CD59: variants seen among roughly 807,000 people sequenced by gnomAD.
CD59 encodes the protein CD59 glycoprotein.
Under a neutral mutation model 7.0 loss-of-function variants are expected in CD59, and 3 were observed. That is an observed-to-expected ratio of 0.43 (90% CI 0.19 to 1.10). The LOEUF is 1.10. CD59 is among the 50% of genes least tolerant of loss of function. CD59 has a pLI of 0.29. For synonymous variants in CD59, 60 were observed against 62.0 expected, an observed-to-expected ratio of 0.97 and a Z score of 0.15; for missense variants, 143 against 151.0, an observed-to-expected ratio of 0.95 and a Z score of 0.28.
rs779979458 is a variant in CD59, at chr11:33,717,419, T to C, written c.120A>G (p.Thr40=). Residue 40 remains threonine, a synonymous_variant, in exon 3 of 4, where the codon ACA becomes ACG. Transcript: ENST00000642928. ...CAAAATCAGATGAACAATTGACGGCTGTTTTGCAGTCAGCAGTTGGGTTAG... is the reference window on the plus strand; with the variant it reads ...CAAAATCAGATGAACAATTGACGGCCGTTTTGCAGTCAGCAGTTGGGTTAG... ...NCPNPTADCK[T]AVNCSSDFDA... The C allele has an allele frequency of 3.7e-6, 6 of 1,613,800 alleles. No homozygotes were observed. In the South Asian group the frequency reaches 5.5e-5, roughly 15 times the overall value.
intron 3 of CD59, among the ~76,000 whole-genome samples, chr11:33,714,721 A>T (rs948978112): frequency 1.1e-4 from 16 of 152,146 alleles, no homozygotes; most frequent in African/African-American, 3.4e-4. Flanking sequence ...AAAAATTTTT[A>T]AAAACTTTTC....
intron 2 of CD59, chr11:33,719,424 C>T (rs1853950074): frequency 6.6e-6 from 1 of 152,218 alleles, no homozygotes; most frequent in African/African-American, 2.4e-5. Context: ...GAGTTTGAGA[C>T]CACCCTGGCC....
At chr11:33,718,577 C>T (rs1853909104) in intron 2 of CD59, 1 of 152,224 alleles carries the variant, frequency 6.6e-6, no homozygotes, top group Non-Finnish European at 1.5e-5. Context: ...TTCTAAGGGA[C>T]TGACCGAATG....
chr11:33,706,558 A>AG lies in CD59; in HGVS notation c.*3567_*3568insC, dbSNP rs1481002516. The AG allele has an allele frequency of 6.6e-6, 1 of 151,498 alleles. No individual in the cohort carries two copies. The highest frequency in any genetic ancestry group is 2.4e-5 in the African/African-American group (1 of 41,250). 9.4% of individuals were successfully genotyped at this position (151,498 alleles called of 1,614,324 possible). The stretch of plus-strand genomic sequence containing the variant: ...GAAAGTTCAGAAAGGGTTTAAAAAA[A>AG]AAAAAAAAAAAAAACTTGTCCAGAG... On this transcript the variant is annotated 3_prime_UTR_variant, in exon 4 of 4. Coordinates refer to ENST00000642928, the MANE Select transcript of CD59 (RefSeq NM_000611.6).
At chr11:33,735,085 C>T (rs1854526833) in intron 1 of CD59, among the ~76,000 whole-genome samples, 3 of 152,206 alleles carry the variant, frequency 2.0e-5, no homozygotes, top group African/African-American at 7.2e-5. Context: ...CCCTTTCTGC[C>T]TCTCCTTCAT....
At chr11:33,714,198 G>A (rs189700812) in intron 3 of CD59, among the ~76,000 whole-genome samples, 1 of 152,296 alleles carries the variant, frequency 6.6e-6, no homozygotes, top group East Asian at 1.9e-4. Context: ...ATAGCGTGTA[G>A]TTACACAAAC....
chr11:33,713,637 A>G (rs951318342), intron 3 of CD59, among the ~76,000 whole-genome samples: 2 of 152,204 alleles, frequency 1.3e-5, no homozygotes, highest in African/African-American at 2.4e-5. Context: ...GTAATTACGC[A>G]TTGGAACTTG....
At chr11:33,726,149 G>C (rs1460972234) in intron 1 of CD59, among the ~76,000 whole-genome samples, 3 of 152,150 alleles carry the variant, frequency 2.0e-5, no homozygotes, top group Non-Finnish European at 2.9e-5. Flanking sequence ...AGGATATCCA[G>C]GACTTGAACT....
chr11:33,727,519 A>G (rs1311655277), intron 1 of CD59, among the ~76,000 whole-genome samples: 1 of 152,252 alleles, frequency 6.6e-6, no homozygotes, highest in Non-Finnish European at 1.5e-5. Flanking sequence ...GATGGAATGT[A>G]TCTCAAAATA....
rs990746304 is a variant in CD59, at chr11:33,706,588, A to T, written c.*3538T>A. The T allele has an allele frequency of 6.6e-6, 1 of 151,918 alleles. No individual in the cohort carries two copies. The highest frequency in any genetic ancestry group is 2.4e-5 in the African/African-American group (1 of 41,366). The allele number at this position is 151,918 out of a possible 1,614,324, so 9.4% of individuals were successfully genotyped here. A position where few individuals can be genotyped will look rare whatever the true frequency, so the allele number is the denominator to read the frequency against. ...AAAAAAAAAACTTGTCCAGAGACAT[A>T]GCCAATTAGTGGAAGAGGGTTTGAA... On this transcript the variant is annotated 3_prime_UTR_variant, in exon 4 of 4. Transcript: ENST00000642928.
intron 1 of CD59, among the ~76,000 whole-genome samples, chr11:33,735,096 A>G (rs1175069450): frequency 6.6e-6 from 1 of 152,202 alleles, no homozygotes; most frequent in Non-Finnish European, 1.5e-5. Flanking sequence ...TCTCCTTCAT[A>G]AACTGCCACG....
At position 33,709,706 on chromosome 11, in the gene CD59, G is replaced by A. The variant is rs1321762459; in HGVS notation, c.*420C>T. 1 of 273,104 alleles carries A rather than the reference G, an allele frequency of 3.7e-6. No homozygotes were observed. Among genetic ancestry groups the A allele is most frequent in the Non-Finnish European group, 7.1e-6 (1 of 140,438 alleles). The allele number at this position is 273,104 out of a possible 1,614,324, so 16.9% of individuals were successfully genotyped here. A position where few individuals can be genotyped will look rare whatever the true frequency, so the allele number is the denominator to read the frequency against. Reference sequence around the variant, plus strand: ...CACGGGATCCCTGAAGTTTATGAAAGCGTTCCATGTGAGAGAGGATGCTCA... The same window carrying A: ...CACGGGATCCCTGAAGTTTATGAAAACGTTCCATGTGAGAGAGGATGCTCA... On this transcript the variant is annotated 3_prime_UTR_variant, in exon 4 of 4. Coordinates refer to ENST00000642928, the MANE Select transcript of CD59 (RefSeq NM_000611.6).
intron 2 of CD59, chr11:33,717,763 G>A: frequency 5.1e-6 from 2 of 393,420 alleles, no homozygotes; most frequent in Non-Finnish European, 9.7e-6. Context: ...GCAATGTAAT[G>A]ATGTGTTAAG....
chr11:33,726,717 C>G (rs1308382684), intron 1 of CD59, among the ~76,000 whole-genome samples: 1 of 152,040 alleles, frequency 6.6e-6, no homozygotes. Context: ...AAAGACCCTT[C>G]AAAAAATCAA....
chr11:33,704,333 G>A lies in CD59; in HGVS notation c.*5793C>T, dbSNP rs991975129. The A allele has an allele frequency of 1.3e-5, 2 of 152,144 alleles. No homozygotes were observed. Among genetic ancestry groups the A allele is most frequent in the Non-Finnish European group, 2.9e-5 (2 of 68,044 alleles). The allele number at this position is 152,144 out of a possible 1,614,324, so 9.4% of individuals were successfully genotyped here. On this transcript the variant is annotated 3_prime_UTR_variant, in exon 4 of 4. Transcript: ENST00000642928. ...ATGGACATATGTATAAGCAGTGCCAGGGACAACTAGTAGGTGGTCATTGGA... is the reference window on the plus strand; with the variant it reads ...ATGGACATATGTATAAGCAGTGCCAAGGACAACTAGTAGGTGGTCATTGGA...
intron 3 of CD59, among the ~76,000 whole-genome samples, chr11:33,711,032 TA>T (rs142039290): frequency 0.029 from 3,440 of 119,916 alleles, 55 homozygotes; most frequent in Non-Finnish European, 0.034. Context: ...GAGCTTGATT[TA>T]AAAAAAAAAA....
chr11:33,709,796 G>C lies in CD59; in HGVS notation c.*330C>G, dbSNP rs1240801497. 14 of 451,388 alleles carry C rather than the reference G, an allele frequency of 3.1e-5. No homozygotes were observed. Among genetic ancestry groups the C allele is most frequent in the Non-Finnish European group, 4.9e-5 (12 of 245,284 alleles). The allele number at this position is 451,388 out of a possible 1,614,324, so 28.0% of individuals were successfully genotyped here. ...CTAACTGACTACATCCAAGGAGCCA[G>C]AGGAAAAATAATCTGAGGGCTGCAG... On this transcript the variant is annotated 3_prime_UTR_variant, in exon 4 of 4. Coordinates refer to ENST00000642928, the MANE Select transcript of CD59 (RefSeq NM_000611.6).
intron 1 of CD59, among the ~76,000 whole-genome samples, chr11:33,732,429 C>T (rs1015139926): frequency 6.6e-6 from 1 of 152,168 alleles, no homozygotes; most frequent in African/African-American, 2.4e-5. Context: ...ATTCTTGCTT[C>T]CCCTTCTCCA....
chr11:33,724,888 T>C (rs970439388), intron 1 of CD59, among the ~76,000 whole-genome samples: 1 of 151,696 alleles, frequency 6.6e-6, no homozygotes, highest in Non-Finnish European at 1.5e-5. Flanking sequence ...GTCGGGCTGT[T>C]CCATCAAAAT....
Sources: allele counts gnomAD v4.1 joint callset (sites outside exome capture counted in the v4.1 genomes callset), GRCh38; gene constraint gnomAD v4.1.1; transcripts MANE v1.5; gene names NCBI Gene and HGNC (gene_info 2026-07-23, HGNC 2026-07-21).